The following SPACDR variants were observed in gnomAD, a reference collection of about 807,000 sequenced individuals.
SPACDR encodes the protein sperm acrosome developmental regulator, also known as uncharacterized protein C7orf61.
chr7:100,459,148 C>T, the SPACDR span, among the ~76,000 whole-genome samples: 3 of 148,974 alleles, frequency 2.0e-5, no homozygotes, highest in South Asian at 2.1e-4. Context: ...GTACTACAGG[C>T]GCCTGCCACC....
chr7:100,458,724 C>A, the SPACDR span, among the ~76,000 whole-genome samples: 1 of 152,188 alleles, frequency 6.6e-6, no homozygotes, highest in African/African-American at 2.4e-5. Context: ...TCAGGAGTTC[C>A]AGACCAGCCT....
chr7:100,459,627 G>C, the SPACDR span, among the ~76,000 whole-genome samples: 1 of 151,836 alleles, frequency 6.6e-6, no homozygotes, highest in Non-Finnish European at 1.5e-5. Context: ...ATTTATTTGT[G>C]TGTTTGTTTT....
chr7:100,459,007 T>C, the SPACDR span, among the ~76,000 whole-genome samples: 4 of 149,144 alleles, frequency 2.7e-5, no homozygotes, highest in Non-Finnish European at 4.5e-5. Flanking sequence ...TTACCTTTTT[T>C]TTTTTTTTTT....
chr7:100,459,129 G>A, the SPACDR span, among the ~76,000 whole-genome samples: 24 of 143,346 alleles, frequency 1.7e-4, no homozygotes, highest in Admixed American at 1.7e-3. Flanking sequence ...TCAGCCTCCC[G>A]AGTAGCTGGT....
At chr7:100,463,109 GA>G in the SPACDR span, among the ~76,000 whole-genome samples, 30,178 of 134,656 alleles carry the variant, frequency 0.22, 3,381 homozygotes, top group African/African-American at 0.3. Flanking sequence ...GTCTCAGGGA[GA>G]AAAAAAAAAA....
the SPACDR span, among the ~76,000 whole-genome samples, chr7:100,461,004 C>T: frequency 3.6e-4 from 55 of 152,286 alleles, no homozygotes; most frequent in Non-Finnish European, 6.5e-4. Context: ...GGCAACCCTG[C>T]CTTCTACCAG....
the SPACDR span, among the ~76,000 whole-genome samples, chr7:100,457,841 G>GTGTGTGTGTGTGTGTGTGTATA: frequency 1.2e-5 from 1 of 85,080 alleles, no homozygotes; most frequent in East Asian, 4.0e-4. Flanking sequence ...GTGTGTGTGT[G>GTGTGTGTGTGTGTGTGTGTATA]TATATATATA....
the SPACDR span, chr7:100,457,004 A>G: frequency 1.9e-6 from 3 of 1,583,882 alleles, no homozygotes; most frequent in Non-Finnish European, 2.6e-6. Flanking sequence ...GAAAGAGAAG[A>G]TGTGCATGCG....
the SPACDR span, among the ~76,000 whole-genome samples, chr7:100,457,545 C>A: frequency 6.6e-6 from 1 of 151,092 alleles, no homozygotes; most frequent in African/African-American, 2.4e-5. Flanking sequence ...TCTCGAACTC[C>A]TGACCTCAAG....
chr7:100,464,079 TG>T, the SPACDR span: 1 of 56,586 alleles, frequency 1.8e-5, no homozygotes, highest in Non-Finnish European at 2.5e-5. Context: ...TTTGGTACGG[TG>T]GGGGTGGCGG....
the SPACDR span, among the ~76,000 whole-genome samples, chr7:100,462,065 G>A: frequency 2.0e-5 from 3 of 151,008 alleles, no homozygotes; most frequent in Middle Eastern, 3.5e-3. Context: ...CCTACAGCCC[G>A]CTTGACAACG....
the SPACDR span, among the ~76,000 whole-genome samples, chr7:100,459,713 C>T: frequency 2.0e-5 from 3 of 152,102 alleles, no homozygotes; most frequent in African/African-American, 7.2e-5. Flanking sequence ...GATGCTTCTG[C>T]CTGGTGTTTC....
At chr7:100,461,849 T>C in the SPACDR span, among the ~76,000 whole-genome samples, 1 of 151,552 alleles carries the variant, frequency 6.6e-6, no homozygotes, top group South Asian at 2.1e-4. Context: ...AAAATTTAGC[T>C]GGGCGTGGTG....
chr7:100,458,876 G>A, the SPACDR span, among the ~76,000 whole-genome samples: 2 of 152,022 alleles, frequency 1.3e-5, no homozygotes, highest in African/African-American at 2.4e-5. Flanking sequence ...GCAGTGAGCC[G>A]AGGTCGCACC....
chr7:100,456,998 GAGA>G, the SPACDR span: 1 of 1,596,998 alleles, frequency 6.3e-7, no homozygotes, highest in Admixed American at 1.7e-5. Context: ...GTAAGAGAAA[GAGA>G]AGATGTGCAT....
the SPACDR span, among the ~76,000 whole-genome samples, chr7:100,461,303 G>T: frequency 6.6e-6 from 1 of 151,992 alleles, no homozygotes; most frequent in African/African-American, 2.4e-5. Flanking sequence ...GGCCAGGCTG[G>T]TCCTAACTTC....
chr7:100,462,998 G>C, the SPACDR span, among the ~76,000 whole-genome samples: 2 of 150,760 alleles, frequency 1.3e-5, no homozygotes, highest in Non-Finnish European at 3.0e-5. Flanking sequence ...CAGCTACTCG[G>C]GAGGCTGAGC....
chr7:100,464,225 T>TC, the SPACDR span: 1 of 1,446,898 alleles, frequency 6.9e-7, no homozygotes, highest in Non-Finnish European at 9.1e-7. Context: ...AGACCTTTTC[T>TC]CCCCTCCCTG....
the SPACDR span, among the ~76,000 whole-genome samples, chr7:100,457,967 G>A: frequency 1.3e-5 from 2 of 150,934 alleles, no homozygotes; most frequent in African/African-American, 4.9e-5. Flanking sequence ...ACAGGCGTGA[G>A]TCGCCACGCT....
Sources: allele counts gnomAD v4.1 joint callset (sites outside exome capture counted in the v4.1 genomes callset), GRCh38; gene constraint gnomAD v4.1.1; transcripts MANE v1.5; gene names NCBI Gene and HGNC (gene_info 2026-07-23, HGNC 2026-07-21).